Variants in CHAMP1 observed in about 807,000 individuals in gnomAD.
CHAMP1 encodes chromosome alignment-maintaining phosphoprotein 1.
In CHAMP1, 4 loss-of-function variants were observed where a neutral mutation model predicts 54.5. That is an observed-to-expected ratio of 0.07 (90% confidence interval 0.04 to 0.17). CHAMP1 has a LOEUF of 0.17. Ranked by LOEUF, CHAMP1 falls within the 10% of genes least tolerant of loss-of-function variation. CHAMP1 has a pLI of 1.00. For missense variants in CHAMP1, 994 were observed against 968.6 expected (o/e 1.03, Z -0.35); for synonymous variants, 368 against 342.2 (o/e 1.08, Z -0.83).
At chr13:114,322,941 C>G (rs1555379240) in intron 2 of CHAMP1, 2 of 152,152 alleles carry the variant, frequency 1.3e-5, no homozygotes, top group African/African-American at 4.8e-5. Context: ...CTTAAGAAGA[C>G]TGGTTTACAA....
rs782623550 is a variant in CHAMP1, at chr13:114,324,440, G to C, written c.598G>C (p.Ala200Pro). The change falls in exon 3 of 3, where the codon GCC (alanine) becomes CCC (proline). Residue 200 changes from alanine to proline, a missense_variant. By Grantham distance (27) the Ala-to-Pro change is conservative. Transcript: ENST00000361283. ...CCCTGTTTGTGAGTCTCAGAAACTTGCCCCTGTTCCTTCTCCAGAACCACA... is the reference window on the plus strand; with the variant it reads ...CCCTGTTTGTGAGTCTCAGAAACTTCCCCCTGTTCCTTCTCCAGAACCACA... ...SVPVCESQKLAPVPSPEPQKP... is the reference protein window; with the variant it reads ...SVPVCESQKLPPVPSPEPQKP... The C allele has an allele frequency of 1.2e-5, 19 of 1,613,944 alleles. No homozygotes were observed. The highest frequency in any genetic ancestry group is 3.3e-5 in the Admixed American group (2 of 59,998).
Position 114,324,749 on chromosome 13 carries a change from C to T in CHAMP1, c.907C>T (p.Pro303Ser). ...TGCTGTCTCCCCAGAGCCTAGGAGA[C>T]CAGCCCCCGCTGTGTCACCAGGCTC... is the stretch of plus-strand genomic sequence containing the variant. ...FPAVSPEPRR[P>S]APAVSPGSWK... Residue 303 changes from proline (P) to serine (S), a missense_variant, in exon 3 of 3, where the codon CCA becomes TCA. Pro to Ser is a moderately conservative substitution (Grantham distance 74, BLOSUM62 -1). This residue lies in a region of CHAMP1 where 851 missense variants were observed against 701.3 expected (regional missense o/e 1.21). Coordinates refer to ENST00000361283, the MANE Select transcript of CHAMP1 (RefSeq NM_032436.4). The T allele has an allele frequency of 6.2e-7, 1 of 1,614,000 alleles. No individual in the cohort carries two copies. Among genetic ancestry groups the T allele is most frequent in the African/African-American group, 1.3e-5 (1 of 75,040 alleles).
Position 114,325,026 on chromosome 13 carries a change from C to T in CHAMP1, c.1184C>T (p.Pro395Leu), listed in dbSNP as rs529321452. 3 of 1,614,128 alleles carry T rather than the reference C, an allele frequency of 1.9e-6. No individual in the cohort carries two copies. The highest frequency in any genetic ancestry group is 1.3e-5 in the African/African-American group (1 of 75,010). ...ASPESWKSGPPELRKTAPTLS... is the reference protein window; with the variant it reads ...ASPESWKSGPLELRKTAPTLS... ...CCTGAGTCATGGAAGTCTGGCCCAC[C>T]AGAACTCCGAAAGACAGCTCCCACG... Residue 395 changes from proline (P) to leucine (L), a missense_variant, in exon 3 of 3, where the codon CCA (proline) becomes CTA (leucine). This residue lies in a region of CHAMP1 where 851 missense variants were observed against 701.3 expected (regional missense o/e 1.21). Coordinates refer to ENST00000361283, the MANE Select transcript of CHAMP1 (RefSeq NM_032436.4).
At position 114,325,722 on chromosome 13, in the gene CHAMP1, C is replaced by T; in HGVS notation, c.1880C>T (p.Ser627Leu). 6.2e-7 allele frequency: 1 copy of T among 1,614,058 alleles called. No homozygotes were observed. The highest frequency in any genetic ancestry group is 8.5e-7 in the Non-Finnish European group (1 of 1,180,026). The change falls in exon 3 of 3, where the codon TCA becomes TTA. Residue 627 changes from serine (S) to leucine (L), a missense_variant. Transcript: ENST00000361283. The part of the protein sequence containing the change: ...KKLKKDNQES[S>L]DAELSSSEYI... ...CTCAAGAAAGACAACCAAGAGAGCT[C>T]AGACGCTGAGCTTAGTAGTAGTGAG...
In CHAMP1 at chr13:114,326,257, G is replaced by T. The variant is rs782548115; in HGVS notation, c.2415G>T (p.Pro805=). The T allele has an allele frequency of 3.8e-6, 6 of 1,573,506 alleles. No individual in the cohort carries two copies. The highest frequency in any genetic ancestry group is 1.2e-5 in the South Asian group (1 of 85,206). ...ANKKLMEALE[P]PLEEQQI is the part of the protein sequence containing the mutation. Reference sequence around the variant, plus strand: ...AAAAGCTAATGGAAGCTCTTGAACCGCCACTGGAGGAGCAGCAAATTTGAT... The same window carrying T: ...AAAAGCTAATGGAAGCTCTTGAACCTCCACTGGAGGAGCAGCAAATTTGAT... The change falls in exon 3 of 3, where the codon CCG becomes CCT. Residue 805 remains proline (P), a synonymous_variant. Transcript: ENST00000361283.
chr13:114,318,145 A>G (rs2087121127), intron 1 of CHAMP1, among the ~76,000 whole-genome samples: 3 of 152,182 alleles, frequency 2.0e-5, no homozygotes, highest in Non-Finnish European at 2.9e-5. Context: ...TTGTTACAGC[A>G]GAGACCAGAA....
intron 1 of CHAMP1, among the ~76,000 whole-genome samples, chr13:114,318,096 C>T (rs1302845166): frequency 6.6e-6 from 1 of 152,130 alleles, no homozygotes; most frequent in Admixed American, 6.5e-5. Flanking sequence ...TCTGTAACAT[C>T]TTCGTGGATC....
At chr13:114,317,435 G>C (rs926105575) in intron 1 of CHAMP1, among the ~76,000 whole-genome samples, 1 of 152,036 alleles carries the variant, frequency 6.6e-6, no homozygotes, top group Non-Finnish European at 1.5e-5. Flanking sequence ...GGACCAGCCT[G>C]GACAACATAG....
chr13:114,317,378 C>T (rs2087112709), intron 1 of CHAMP1, among the ~76,000 whole-genome samples: 1 of 151,698 alleles, frequency 6.6e-6, no homozygotes, highest in Non-Finnish European at 1.5e-5. Context: ...GTAATCCCAG[C>T]ACTTTGAGAG....
At chr13:114,321,855 A>C (rs2087176623) in intron 2 of CHAMP1, among the ~76,000 whole-genome samples, 1 of 152,194 alleles carries the variant, frequency 6.6e-6, no homozygotes, top group Non-Finnish European at 1.5e-5. Context: ...ACTGCTGGGC[A>C]ACTCAGAAAG....
chr13:114,325,267 T>A lies in CHAMP1; in HGVS notation c.1425T>A (p.Gly475=). The A allele has an allele frequency of 6.2e-7, 1 of 1,614,110 alleles. No homozygotes were observed. The highest frequency in any genetic ancestry group is 2.2e-5 in the East Asian group (1 of 44,880). Residue 475 remains glycine, a synonymous_variant, in exon 3 of 3, where the codon GGT becomes GGA. Coordinates refer to ENST00000361283, the MANE Select transcript of CHAMP1 (RefSeq NM_032436.4). ...AGTCCCAGAAAAGTTCCCGTGGTGG[T>A]TCTCCTGATCTCTGGAAGTCTTCCT... ...FPESQKSSRG[G]SPDLWKSSFF...
chr13:114,322,595 T>C (rs1051793691), intron 2 of CHAMP1: 3 of 152,212 alleles, frequency 2.0e-5, no homozygotes, highest in Admixed American at 6.5e-5. Flanking sequence ...TTTTTGAGAG[T>C]TTGGTAAAAT....
intron 1 of CHAMP1, among the ~76,000 whole-genome samples, chr13:114,319,982 G>A (rs146340266): frequency 1.3e-5 from 2 of 152,220 alleles, no homozygotes; most frequent in Non-Finnish European, 2.9e-5. Context: ...AGGTGTCTTA[G>A]TTGACTTGGA....
At chr13:114,315,806 C>CTTT in intron 1 of CHAMP1, among the ~76,000 whole-genome samples, 1 of 145,724 alleles carries the variant, frequency 6.9e-6, no homozygotes. Flanking sequence ...CTAAATTGTG[C>CTTT]TTTTAAAAAT....
In CHAMP1 at chr13:114,324,393, C is replaced by T; in HGVS notation, c.551C>T (p.Ser184Phe). 1 of 1,614,158 alleles carries T rather than the reference C, an allele frequency of 6.2e-7. No homozygotes were observed. Among genetic ancestry groups the T allele is most frequent in the Non-Finnish European group, 8.5e-7 (1 of 1,180,020 alleles). The change falls in exon 3 of 3, where the codon TCT becomes TTT. Residue 184 changes from serine (S) to phenylalanine (F), a missense_variant. By Grantham distance (155) the Ser-to-Phe change is radical (BLOSUM62 -2). Around this residue, in one of 3 missense-constraint regions of CHAMP1, gnomAD observed 851 missense variants for 701.3 expected, o/e 1.21. Coordinates refer to ENST00000361283, the MANE Select transcript of CHAMP1 (RefSeq NM_032436.4). ...CCTTCAAAACCTGCCTCTGTTTCTT[C>T]TCCTGAACCTCCAAAATCAGTCCCT... The part of the protein sequence containing the change: ...PEPSKPASVS[S>F]PEPPKSVPVC...
rs1555379668 is a variant in CHAMP1, at chr13:114,324,974, A to G, written c.1132A>G (p.Ser378Gly). The G allele has an allele frequency of 2.5e-6, 4 of 1,613,868 alleles. No homozygotes were observed. The highest frequency in any genetic ancestry group is 3.4e-6 in the Non-Finnish European group (4 of 1,179,976). The change falls in exon 3 of 3, where the codon AGC becomes GGC. Residue 378 changes from serine (S) to glycine (G), a missense_variant. By Grantham distance (56) the Ser-to-Gly change is moderately conservative (BLOSUM62 0). Around this residue, in one of 3 missense-constraint regions of CHAMP1, gnomAD observed 851 missense variants for 701.3 expected, o/e 1.21. Coordinates refer to ENST00000361283, the MANE Select transcript of CHAMP1 (RefSeq NM_032436.4). ...CTGGAAATCTTCATCAGTCTCACCC[A>G]GCTCCTGGAAGTCTCCCCCTGCATC... ...ASWKSSSVSPSSWKSPPASPE... is the reference protein window; with the variant it reads ...ASWKSSSVSPGSWKSPPASPE...
At position 114,324,015 on chromosome 13, in the gene CHAMP1, G is replaced by A; in HGVS notation, c.173G>A (p.Ser58Asn). ...GLGKMIFYQK[S>N]AKLFHCHKCF... ...GGCAAAATGATATTTTACCAGAAAA[G>A]TGCAAAGTTATTTCACTGCCATAAA... The change falls in exon 3 of 3, where the codon AGT becomes AAT. Residue 58 changes from serine to asparagine, a missense_variant. Ser to Asn is a conservative substitution (Grantham distance 46). Transcript: ENST00000361283. 6.2e-7 allele frequency: 1 copy of A among 1,614,144 alleles called. No homozygotes were observed. Among genetic ancestry groups the A allele is most frequent in the Non-Finnish European group, 8.5e-7 (1 of 1,180,026 alleles).
rs782635495 is a variant in CHAMP1 at position 114,323,812 on chromosome 13, A to T, written c.-31A>T. 2 of 1,558,266 alleles carry T rather than the reference A, an allele frequency of 1.3e-6. No homozygotes were observed. Among genetic ancestry groups the T allele is most frequent in the East Asian group, 4.5e-5 (2 of 44,382 alleles). On this transcript the variant is annotated 5_prime_UTR_variant, in exon 3 of 3. Coordinates refer to ENST00000361283, the MANE Select transcript of CHAMP1 (RefSeq NM_032436.4). ...GCAGTATTGAAAGTTTTTAAAGAAT[A>T]TAACCGTGTGTGTTGGTAACAGACA...
At chr13:114,316,624 G>T (rs542448629) in intron 1 of CHAMP1, among the ~76,000 whole-genome samples, 1 of 152,062 alleles carries the variant, frequency 6.6e-6, no homozygotes, top group Non-Finnish European at 1.5e-5. Context: ...GACTCCTTGT[G>T]TAAACTATAG....
Sources: allele counts gnomAD v4.1 joint callset (sites outside exome capture counted in the v4.1 genomes callset), GRCh38; gene constraint gnomAD v4.1.1; regional missense constraint gnomAD v4.1.1; transcripts MANE v1.5; gene names NCBI Gene and HGNC (gene_info 2026-07-23, HGNC 2026-07-21).